TMEM135: variants seen among roughly 807,000 people sequenced by gnomAD.
TMEM135 encodes the protein transmembrane protein 135.
In TMEM135, 30 loss-of-function variants were observed where a neutral mutation model predicts 60.3. That is an observed-to-expected ratio of 0.50 (90% confidence interval 0.37 to 0.68). The LOEUF is 0.68. TMEM135 is among the 30% of genes least tolerant of loss of function. The probability of loss-of-function intolerance (pLI) is 0.00; values close to 1 mark genes in which losing one functional copy is unlikely to be tolerated. For missense variants in TMEM135, 468 were observed against 548.8 expected (o/e 0.85, Z 1.47); for synonymous variants, 190 against 186.7 (o/e 1.02, Z -0.14).
intron 5 of TMEM135, among the ~76,000 whole-genome samples, chr11:87,200,998 A>C (rs1359696631): frequency 1.3e-5 from 2 of 152,218 alleles, no homozygotes; most frequent in Non-Finnish European, 2.9e-5. Context: ...GCTGAATATT[A>C]ATCCATGGTA....
chr11:87,140,224 C>T (rs895199333), intron 4 of TMEM135, among the ~76,000 whole-genome samples: 5 of 151,992 alleles, frequency 3.3e-5, no homozygotes, highest in Non-Finnish European at 5.9e-5. Flanking sequence ...CATGCCACCA[C>T]GCCCGGCTAA....
chr11:87,223,255 CCCG>C (rs1387369659), intron 5 of TMEM135, among the ~76,000 whole-genome samples: 9 of 151,158 alleles, frequency 6.0e-5, no homozygotes, highest in African/African-American at 2.2e-4. Flanking sequence ...AGCTCTGCCT[CCCG>C]GGTTCATGCT....
At chr11:87,285,449 T>C (rs1463502421) in intron 6 of TMEM135, among the ~76,000 whole-genome samples, 2 of 152,080 alleles carry the variant, frequency 1.3e-5, no homozygotes, top group East Asian at 3.9e-4. Flanking sequence ...GTTTCTTCCT[T>C]TTGGTGGGTT....
At chr11:87,059,874 G>A (rs1227376412) in intron 1 of TMEM135, among the ~76,000 whole-genome samples, 1 of 152,224 alleles carries the variant, frequency 6.6e-6, no homozygotes, top group East Asian at 1.9e-4. Flanking sequence ...CCAGCACTTT[G>A]TGAGGCCAAA....
chr11:87,172,002 C>T (rs1265361809), intron 5 of TMEM135, among the ~76,000 whole-genome samples: 1 of 152,152 alleles, frequency 6.6e-6, no homozygotes, highest in African/African-American at 2.4e-5. Context: ...TGGTTCCTAA[C>T]AAGCCAGGGA....
At chr11:87,168,340 C>G (rs1355408741) in intron 5 of TMEM135, among the ~76,000 whole-genome samples, 2 of 151,930 alleles carry the variant, frequency 1.3e-5, no homozygotes, top group Admixed American at 1.3e-4. Context: ...TTCTTGTCTT[C>G]TACTTGCTTT....
chr11:87,239,294 G>A (rs757262788), intron 6 of TMEM135, among the ~76,000 whole-genome samples: 15 of 152,086 alleles, frequency 9.9e-5, no homozygotes, highest in African/African-American at 3.4e-4. Flanking sequence ...CACCAAATTC[G>A]CTGTTCTTGG....
At chr11:87,154,061 G>A (rs12099360) in intron 4 of TMEM135, among the ~76,000 whole-genome samples, 9,329 of 152,102 alleles carry the variant, frequency 0.061, 463 homozygotes, top group African/African-American at 0.14. Flanking sequence ...ATTGTTGTGC[G>A]TTCACTACTA....
intron 6 of TMEM135, among the ~76,000 whole-genome samples, chr11:87,268,063 C>T (rs1941785069): frequency 6.6e-6 from 1 of 151,872 alleles, no homozygotes; most frequent in Non-Finnish European, 1.5e-5. Context: ...AAGTCCTGTT[C>T]ACATGTTCAC....
chr11:87,098,391 A>G (rs910499983), intron 4 of TMEM135, among the ~76,000 whole-genome samples: 1 of 103,196 alleles, frequency 9.7e-6, no homozygotes, highest in Non-Finnish European at 1.9e-5. Context: ...ACCTTGCTTT[A>G]TTTGACTGCA....
intron 10 of TMEM135, among the ~76,000 whole-genome samples, chr11:87,312,071 A>T (rs901148086): frequency 6.6e-6 from 1 of 151,692 alleles, no homozygotes; most frequent in African/African-American, 2.4e-5. Context: ...TACTGTTTAC[A>T]TATAATGTAT....
intron 5 of TMEM135, among the ~76,000 whole-genome samples, chr11:87,177,919 A>G (rs942667586): frequency 6.6e-6 from 1 of 152,136 alleles, no homozygotes; most frequent in African/African-American, 2.4e-5. Context: ...TAAAAATGTT[A>G]TATAGTTTTA....
chr11:87,212,955 G>A (rs1940410950), intron 5 of TMEM135, among the ~76,000 whole-genome samples: 1 of 151,768 alleles, frequency 6.6e-6, no homozygotes, highest in Admixed American at 6.6e-5. Context: ...TAATAGAAAT[G>A]ATTGGTTTTC....
In TMEM135 at chr11:87,135,727, T is replaced by G. The variant is rs1452999185; in HGVS notation, c.397-21614T>G. ...ATTGTTTTTGACTGTTGTAGGTCCT[T>G]TGCATTTCCATGTAAATTTTAGAAC... is the stretch of plus-strand genomic sequence containing the variant. On this transcript the variant is annotated intron_variant, in intron 4 of 14. Coordinates refer to ENST00000305494, the MANE Select transcript of TMEM135 (RefSeq NM_022918.4). Among the ~76,000 whole-genome samples, 3 of 152,188 alleles carry G rather than the reference T, an allele frequency of 2.0e-5. No individual in the cohort carries two copies. In the East Asian group the frequency reaches 5.8e-4, roughly 29 times the overall value.
chr11:87,305,561 G>C lies in TMEM135; in HGVS notation c.699-375G>C, dbSNP rs532514247. Among the ~76,000 whole-genome samples, 89 of 152,150 alleles carry C rather than the reference G, an allele frequency of 5.8e-4. 1 individual carries two copies. Among genetic ancestry groups the C allele is most frequent in the Non-Finnish European group, 5.7e-4 (39 of 67,980 alleles). ...GGCCGAGGCAGGCGGATCACCTGAGGTCAGGAGCTCGAGACCAGCCTGGCC... is the reference window on the plus strand; with the variant it reads ...GGCCGAGGCAGGCGGATCACCTGAGCTCAGGAGCTCGAGACCAGCCTGGCC... On this transcript the variant is annotated intron_variant, in intron 8 of 14. Transcript: ENST00000305494.
Position 87,326,070 on chromosome 11 carries a change from T to G in TMEM135, c.*4737T>G, listed in dbSNP as rs1176773352. The stretch of plus-strand genomic sequence containing the variant: ...CTTCTTTCTTTAGCTCACAAACTAC[T>G]ATAGCTTGCCTGTTCAGTTTTTTTT... On this transcript the variant is annotated 3_prime_UTR_variant, in exon 15 of 15. Transcript: ENST00000305494. 2.2e-6 allele frequency: 1 copy of G among 453,712 alleles called. No individual in the cohort carries two copies. 28.1% of individuals were successfully genotyped at this position (453,712 alleles called of 1,614,324 possible).
At chr11:87,062,498 C>G (rs887891587) in intron 1 of TMEM135, among the ~76,000 whole-genome samples, 2 of 131,468 alleles carry the variant, frequency 1.5e-5, no homozygotes. Context: ...GAGTCTCACT[C>G]TGTCGCCCAG....
At chr11:87,276,736 T>G (rs973620393) in intron 6 of TMEM135, among the ~76,000 whole-genome samples, 5 of 145,908 alleles carry the variant, frequency 3.4e-5, no homozygotes, top group Non-Finnish European at 7.5e-5. Context: ...TAGCGTGATC[T>G]CGACTCACTG....
chr11:87,191,913 T>A (rs1268105861), intron 5 of TMEM135, among the ~76,000 whole-genome samples: 1 of 151,912 alleles, frequency 6.6e-6, no homozygotes, highest in Non-Finnish European at 1.5e-5. Context: ...TGAGAAGTCA[T>A]CTGGACGTGG....
Sources: allele counts gnomAD v4.1 joint callset (sites outside exome capture counted in the v4.1 genomes callset), GRCh38; gene constraint gnomAD v4.1.1; transcripts MANE v1.5; gene names NCBI Gene and HGNC (gene_info 2026-07-23, HGNC 2026-07-21).